Variants in POLN observed in about 807,000 individuals in gnomAD.
The protein encoded by POLN is DNA polymerase N.
In POLN, 108 loss-of-function variants were observed where a neutral mutation model predicts 113.5. That is an observed-to-expected ratio of 0.95 (90% CI 0.81 to 1.12). The LOEUF (loss-of-function observed/expected upper bound fraction) is 1.12. POLN is among the 50% of genes most tolerant of loss of function. POLN has a pLI of 0.00. For missense variants in POLN, 1,097 were observed against 1,077.1 expected, an observed-to-expected ratio of 1.02 and a Z score of -0.26; for synonymous variants, 386 against 391.5, an observed-to-expected ratio of 0.99 and a Z score of 0.17.
At chr4:2,096,682 GAGAA>G (rs900077971) in intron 19 of POLN, among the ~76,000 whole-genome samples, 18 of 132,788 alleles carry the variant, frequency 1.4e-4, no homozygotes, top group African/African-American at 2.8e-4. Context: ...CAGAAGCCGA[GAGAA>G]AGAGAGAGAG....
At chr4:2,221,737 G>T in intron 3 of POLN, among the ~76,000 whole-genome samples, 1 of 152,030 alleles carries the variant, frequency 6.6e-6, no homozygotes, top group East Asian at 1.9e-4. Context: ...CACCATGCTC[G>T]GCTAATATTC....
chr4:2,138,305 C>A (rs1251563453), intron 16 of POLN, among the ~76,000 whole-genome samples: 1 of 152,174 alleles, frequency 6.6e-6, no homozygotes, highest in East Asian at 1.9e-4. Flanking sequence ...GGTGAGGAGA[C>A]CAGACATTAG....
At chr4:2,173,927 G>C (rs773513421) in intron 11 of POLN, 28 bp downstream of exon 11, 1 of 1,607,832 alleles carries the variant, frequency 6.2e-7, no homozygotes, top group African/African-American at 1.3e-5. Flanking sequence ...GAGATGGCCA[G>C]TACAAACCAT....
chr4:2,171,003 T>C (rs1043948665), intron 12 of POLN, 95 bp downstream of exon 12: 2 of 1,166,818 alleles, frequency 1.7e-6, no homozygotes, highest in Non-Finnish European at 2.5e-6. Context: ...TTTCAGATAG[T>C]TGACATAAAA....
At chr4:2,186,208 A>G (rs1393634259) in intron 7 of POLN, among the ~76,000 whole-genome samples, 2 of 152,160 alleles carry the variant, frequency 1.3e-5, no homozygotes, top group African/African-American at 2.4e-5. Flanking sequence ...CAACTTTCCC[A>G]TCATCTTGGG....
chr4:2,193,243 C>A lies in POLN; in HGVS notation c.982G>T (p.Val328Leu). 1 of 1,610,760 alleles carries A rather than the reference C, an allele frequency of 6.2e-7. No homozygotes were observed. Among genetic ancestry groups the A allele is most frequent in the South Asian group, 1.1e-5 (1 of 90,536 alleles). The change falls in exon 7 of 26, where the codon GTG (valine) becomes TTG (leucine). Residue 328 changes from valine (V) to leucine (L), a missense_variant. By Grantham distance (32) the Val-to-Leu change is conservative. Transcript: ENST00000511885. Reference protein sequence around the residue: ...CFNAKDFVRIVLQFFGNDGSW... With the variant: ...CFNAKDFVRILLQFFGNDGSW... ...CCATCATTGCCAAAAAACTGCAGCA[C>A]TATTCTCACAAAATCCTTAGCATTA...
At chr4:2,197,568 C>A (rs953922511) in intron 6 of POLN, among the ~76,000 whole-genome samples, 5 of 152,204 alleles carry the variant, frequency 3.3e-5, no homozygotes, top group African/African-American at 1.2e-4. Flanking sequence ...TGGACAATGT[C>A]AACTAAATTC....
chr4:2,185,773 T>C (rs1733257509), intron 7 of POLN, among the ~76,000 whole-genome samples: 1 of 151,646 alleles, frequency 6.6e-6, no homozygotes, highest in Non-Finnish European at 1.5e-5. Context: ...CAAAAAGAAA[T>C]ACAAGTTACG....
intron 20 of POLN, among the ~76,000 whole-genome samples, chr4:2,088,557 A>G (rs193247421): frequency 1.3e-5 from 2 of 152,366 alleles, no homozygotes; most frequent in African/African-American, 4.8e-5. Context: ...ATAGTTTAAA[A>G]AAAATTCAGT....
intron 13 of POLN, among the ~76,000 whole-genome samples, chr4:2,168,619 G>A (rs932555092): frequency 2.0e-5 from 3 of 152,234 alleles, no homozygotes; most frequent in Non-Finnish European, 4.4e-5. Context: ...AGGGAAGGGA[G>A]TTGCAAAGGG....
chr4:2,209,136 GA>G lies in POLN; in HGVS notation c.214-650del, dbSNP rs61628175. ...CTTCCAAGTAAAAGCCATTTGCAGA[GA>G]AAAATGAAATCACCAAAACTATTTA... On this transcript the variant is annotated intron_variant, in intron 4 of 25. Transcript: ENST00000511885. 5.1e-3 allele frequency among the ~76,000 whole-genome samples: 775 copies of G among 152,222 alleles called. 7 individuals carry two copies. Among genetic ancestry groups the G allele is most frequent in the African/African-American group, 0.018 (732 of 41,544 alleles).
chr4:2,129,448 G>C lies in POLN; in HGVS notation c.1790-192C>G, dbSNP rs142506210. Among the ~76,000 whole-genome samples, 49 of 152,068 alleles carry C rather than the reference G, an allele frequency of 3.2e-4. 2 individuals are homozygous for C. The East Asian group carries it at 9.3e-3, about 29-fold the overall frequency. On this transcript the variant is annotated intron_variant, in intron 17 of 25. Transcript: ENST00000511885. ...TTGTTGCCCAGGCTGGAGTGCAGTG[G>C]CACAATCATAGCTCACTGCAGCCTC...
At chr4:2,240,323 C>T in intron 2 of POLN, 1 of 1,604,696 alleles carries the variant, frequency 6.2e-7, no homozygotes, top group Non-Finnish European at 8.5e-7. Flanking sequence ...CTGTGCTTTG[C>T]TCTTCCTGAC....
intron 5 of POLN, among the ~76,000 whole-genome samples, chr4:2,199,821 C>T (rs1234611091): frequency 1.3e-5 from 2 of 152,138 alleles, no homozygotes; most frequent in African/African-American, 4.8e-5. Context: ...AGCCAATCCG[C>T]CCACCTTGCT....
At chr4:2,174,824 CT>C (rs35293526) in intron 9 of POLN, 73 bp from the exon 10 acceptor site, 147,061 of 788,712 alleles carry the variant, frequency 0.19, 1,287 homozygotes, top group African/African-American at 0.25. Context: ...GAAAAGCCTA[CT>C]TTTTTTTTTT....
chr4:2,201,232 A>G (rs1733703052), intron 5 of POLN, among the ~76,000 whole-genome samples: 1 of 116,842 alleles, frequency 8.6e-6, no homozygotes, highest in African/African-American at 3.3e-5. Flanking sequence ...ATGCCACTGC[A>G]CTCCAGCCTG....
At chr4:2,119,700 C>CA (rs1189146815) in intron 19 of POLN, among the ~76,000 whole-genome samples, 48 of 152,148 alleles carry the variant, frequency 3.2e-4, no homozygotes, top group African/African-American at 1.1e-3. Flanking sequence ...AAGGCATTTA[C>CA]ATGAAATAAA....
chr4:2,100,076 G>GAAAAAAAAAA (rs34515865), intron 19 of POLN, among the ~76,000 whole-genome samples: 2 of 137,856 alleles, frequency 1.5e-5, no homozygotes, highest in East Asian at 2.1e-4. Context: ...TCTCAAAAAA[G>GAAAAAAAAAA]AAAAAAAAAG....
rs879296669 is a variant in POLN, at chr4:2,240,732, A to G, written c.-13+788T>C. 6 of 1,613,940 alleles carry G rather than the reference A, an allele frequency of 3.7e-6. No individual in the cohort carries two copies. Among genetic ancestry groups the G allele is most frequent in the Non-Finnish European group, 4.2e-6 (5 of 1,180,008 alleles). On this transcript the variant is annotated intron_variant, in intron 2 of 25. Coordinates refer to ENST00000511885, the MANE Select transcript of POLN (RefSeq NM_181808.4). ...AGCTTCATCCAATGCCGCCCCTTCT[A>G]GAATAGGCTTGCCTGATTTCTGAAG... is the stretch of plus-strand genomic sequence containing the variant.
Sources: gnomAD v4.1 joint callset for allele counts (sites outside exome capture counted in the v4.1 genomes callset) on GRCh38, gnomAD v4.1.1 for gene constraint, MANE v1.5 for transcripts, NCBI Gene and HGNC (gene_info 2026-07-23, HGNC 2026-07-21) for gene names.